BICC1: variants seen among roughly 807,000 people sequenced by gnomAD.
BICC1 encodes the protein protein bicaudal C homolog 1.
Under a neutral mutation model 111.0 loss-of-function variants are expected in BICC1, and 43 were observed. The ratio of observed to expected loss-of-function variants is 0.39; its 90% CI spans 0.30 to 0.50. The LOEUF is 0.50. Ranked by LOEUF, BICC1 falls within the 20% of genes least tolerant of loss-of-function variation. The pLI, the probability that BICC1 is intolerant of heterozygous loss-of-function variation, is 0.88. For synonymous variants in BICC1, 467 were observed against 434.4 expected (o/e 1.07, Z -0.93); for missense variants, 1,091 against 1,203.2 (o/e 0.91, Z 1.38).
intron 3 of BICC1, among the ~76,000 whole-genome samples, chr10:58,767,876 G>A (rs1034667292): frequency 1.3e-5 from 2 of 151,832 alleles, no homozygotes; most frequent in Non-Finnish European, 2.9e-5. Flanking sequence ...CAGAAGAAAG[G>A]ATCTGTGAAC....
intron 2 of BICC1, among the ~76,000 whole-genome samples, chr10:58,674,691 G>A (rs1839286513): frequency 6.6e-6 from 1 of 152,150 alleles, no homozygotes; most frequent in Non-Finnish European, 1.5e-5. Flanking sequence ...GAGAGATTAC[G>A]GGAATCTTGA....
chr10:58,651,228 G>A (rs1838438520), intron 2 of BICC1, among the ~76,000 whole-genome samples: 2 of 152,144 alleles, frequency 1.3e-5, no homozygotes, highest in African/African-American at 4.8e-5. Context: ...ACAGTGAGAT[G>A]GGTTGTCTGT....
chr10:58,645,299 C>T (rs1838232792), intron 2 of BICC1, among the ~76,000 whole-genome samples: 1 of 150,384 alleles, frequency 6.6e-6, no homozygotes, highest in Admixed American at 6.7e-5. Flanking sequence ...GTCCCAGCTA[C>T]TCGGGAGGCT....
chr10:58,769,456 T>G (rs1842564315), intron 3 of BICC1, among the ~76,000 whole-genome samples: 1 of 147,638 alleles, frequency 6.8e-6, no homozygotes, highest in East Asian at 2.0e-4. Context: ...ATAGATATAC[T>G]TTTTATTTGT....
At chr10:58,512,581 G>T (rs1002074068), upstream of BICC1, among the ~76,000 whole-genome samples, 6 of 152,104 alleles carry the variant, frequency 3.9e-5, no homozygotes, top group African/African-American at 1.4e-4. Context: ...TGTGTGTGAT[G>T]TGTGTGTGTA....
chr10:58,709,211 C>T (rs185357310), intron 3 of BICC1, among the ~76,000 whole-genome samples: 6 of 152,252 alleles, frequency 3.9e-5, no homozygotes, highest in African/African-American at 7.2e-5. Context: ...TCTATACCAC[C>T]GTCCCACACC....
At chr10:58,798,096 C>G (rs903011017) in intron 10 of BICC1, among the ~76,000 whole-genome samples, 3 of 152,104 alleles carry the variant, frequency 2.0e-5, no homozygotes, top group African/African-American at 7.2e-5. Flanking sequence ...TTTTGTTCAT[C>G]CTGGGTAGCT....
In BICC1 at chr10:58,663,387, A is replaced by G. The variant is rs137925265; in HGVS notation, c.238-38687A>G. 4.9e-4 allele frequency among the ~76,000 whole-genome samples: 75 copies of G among 152,056 alleles called. 1 individual carries two copies. In the East Asian group the frequency reaches 0.014, roughly 28 times the overall value. On this transcript the variant is annotated intron_variant, in intron 2 of 20. Transcript: ENST00000373886. Reference sequence around the variant, plus strand: ...CGGCCCAATTTTTAGGTTTTATTTAACAGACATTTTCTTCCTCCCAACTTC... The same window carrying G: ...CGGCCCAATTTTTAGGTTTTATTTAGCAGACATTTTCTTCCTCCCAACTTC...
chr10:58,790,062 C>A, intron 8 of BICC1, 129 bp downstream of exon 8: 1 of 1,072,654 alleles, frequency 9.3e-7, no homozygotes, highest in Non-Finnish European at 1.3e-6. Context: ...AAGGAAGTTT[C>A]TTGCTAAAAG....
At chr10:58,656,810 A>G (rs1838669421) in intron 2 of BICC1, among the ~76,000 whole-genome samples, 1 of 152,148 alleles carries the variant, frequency 6.6e-6, no homozygotes, top group Admixed American at 6.6e-5. Context: ...CAGCCAGCTG[A>G]AAGAATTTAA....
intron 1 of BICC1, among the ~76,000 whole-genome samples, chr10:58,580,303 T>C (rs1381472105): frequency 6.6e-6 from 1 of 152,142 alleles, no homozygotes; most frequent in East Asian, 1.9e-4. Context: ...GGATTACAGG[T>C]GTGAGCCACT....
intron 2 of BICC1, among the ~76,000 whole-genome samples, chr10:58,693,039 T>A (rs1245514163): frequency 6.6e-6 from 1 of 152,006 alleles, no homozygotes; most frequent in African/African-American, 2.4e-5. Flanking sequence ...ATTCCCGAAG[T>A]GTGATGTTCC....
At chr10:58,618,519 C>T (rs1460275871) in intron 1 of BICC1, among the ~76,000 whole-genome samples, 1 of 152,192 alleles carries the variant, frequency 6.6e-6, no homozygotes, top group Non-Finnish European at 1.5e-5. Flanking sequence ...CACGCCCAGG[C>T]TCACTCACAC....
intron 1 of BICC1, among the ~76,000 whole-genome samples, chr10:58,534,701 C>A (rs1446723460): frequency 6.6e-6 from 1 of 151,396 alleles, no homozygotes; most frequent in Non-Finnish European, 1.5e-5. Context: ...TGTAACACCT[C>A]CCAAAAAACA....
chr10:58,687,765 C>A (rs1260428199), intron 2 of BICC1, among the ~76,000 whole-genome samples: 1 of 152,164 alleles, frequency 6.6e-6, no homozygotes, highest in Non-Finnish European at 1.5e-5. Context: ...AGGTACTATT[C>A]TGTCACGGCT....
intron 20 of BICC1, among the ~76,000 whole-genome samples, chr10:58,821,242 CT>C (rs2132974621): frequency 6.6e-6 from 1 of 152,168 alleles, no homozygotes; most frequent in African/African-American, 2.4e-5. Flanking sequence ...CAATAAAGTT[CT>C]TGAATGTCAA....
At chr10:58,815,412 C>A (rs911901113) in intron 18 of BICC1, among the ~76,000 whole-genome samples, 8 of 152,308 alleles carry the variant, frequency 5.3e-5, no homozygotes, top group Admixed American at 5.2e-4. Context: ...AGATGAGAGT[C>A]AGGCTGATGC....
chr10:58,706,596 A>G (rs1344826658), intron 3 of BICC1, among the ~76,000 whole-genome samples: 2 of 152,146 alleles, frequency 1.3e-5, no homozygotes, highest in East Asian at 3.9e-4. Flanking sequence ...GTCAAAGGAG[A>G]GATCTGGTGG....
chr10:58,595,133 G>C (rs1844769600), intron 1 of BICC1, among the ~76,000 whole-genome samples: 1 of 152,124 alleles, frequency 6.6e-6, no homozygotes, highest in Non-Finnish European at 1.5e-5. Context: ...ATTACATAAT[G>C]GTATAGGGAT....
Sources: allele counts gnomAD v4.1 joint callset (sites outside exome capture counted in the v4.1 genomes callset), GRCh38; gene constraint gnomAD v4.1.1; transcripts MANE v1.5; gene names NCBI Gene and HGNC (gene_info 2026-07-23, HGNC 2026-07-21).